Variants in CWC27 observed in about 807,000 individuals in gnomAD.
CWC27 encodes CWC27 spliceosome associated cyclophilin.
In CWC27, 47 loss-of-function variants were observed where a neutral mutation model predicts 63.6. The observed-to-expected ratio is 0.74, with a 90% CI of 0.58 to 0.94. The LOEUF is 0.94. Among genes scored for constraint, CWC27 ranks in the 40% least tolerant of loss-of-function variants. CWC27 has a pLI of 0.00. For synonymous variants in CWC27, 175 were observed against 179.8 expected, an observed-to-expected ratio of 0.97 and a Z score of 0.22; for missense variants, 495 against 554.3, an observed-to-expected ratio of 0.89 and a Z score of 1.07.
intron 10 of CWC27, among the ~76,000 whole-genome samples, chr5:64,878,470 T>TAAAGAAAAAAAAAAAAAAAAAA (rs1746849951): frequency 3.7e-5 from 1 of 26,914 alleles, no homozygotes; most frequent in Non-Finnish European, 7.1e-5. Flanking sequence ...GGTTACAGAT[T>TAAAGAAAAAAAAAAAAAAAAAA]AAAAAAAAAA....
At chr5:64,771,252 AT>A (rs1161783119) in intron 1 of CWC27, among the ~76,000 whole-genome samples, 2 of 152,188 alleles carry the variant, frequency 1.3e-5, no homozygotes, top group African/African-American at 2.4e-5. Flanking sequence ...TTTGAAGCAC[AT>A]GTAATAAGTC....
At chr5:64,939,534 C>G (rs1748427253) in intron 11 of CWC27, among the ~76,000 whole-genome samples, 1 of 152,200 alleles carries the variant, frequency 6.6e-6, no homozygotes, top group Non-Finnish European at 1.5e-5. Context: ...TGGAGCTCTC[C>G]TGTATGAGGT....
chr5:64,984,853 G>T (rs931492915), intron 13 of CWC27, among the ~76,000 whole-genome samples: 2 of 152,102 alleles, frequency 1.3e-5, no homozygotes, highest in African/African-American at 4.8e-5. Context: ...TTATGTCTAA[G>T]AATTCTTTGC....
At chr5:64,820,042 A>G (rs1289654757) in intron 10 of CWC27, among the ~76,000 whole-genome samples, 4 of 152,216 alleles carry the variant, frequency 2.6e-5, no homozygotes, top group Non-Finnish European at 5.9e-5. Context: ...TATATGAGAA[A>G]ATTTTCAGTT....
Position 64,791,929 on chromosome 5 carries a change from T to C in CWC27, c.669+2909T>C, listed in dbSNP as rs558883531. Among the ~76,000 whole-genome samples the C allele has an allele frequency of 3.2e-3, 492 of 152,244 alleles. 5 individuals carry two copies. The highest frequency in any genetic ancestry group is 1.9e-3 in the South Asian group (9 of 4,826). On this transcript the variant is annotated intron_variant, in intron 7 of 13. Coordinates refer to ENST00000381070, the MANE Select transcript of CWC27 (RefSeq NM_005869.4). ...TGTATCTCAAATCTGTTTTTTCCTTTTAATTTATTGTTGCTACTACCCTTG... is the reference window on the plus strand; with the variant it reads ...TGTATCTCAAATCTGTTTTTTCCTTCTAATTTATTGTTGCTACTACCCTTG...
intron 13 of CWC27, among the ~76,000 whole-genome samples, chr5:64,999,743 G>A (rs555479114): frequency 6.6e-6 from 1 of 152,108 alleles, no homozygotes; most frequent in East Asian, 1.9e-4. Flanking sequence ...ATCCACTGAT[G>A]GACACTTAAG....
At chr5:64,813,129 GGTGGTTT>G in intron 10 of CWC27, among the ~76,000 whole-genome samples, 1 of 152,086 alleles carries the variant, frequency 6.6e-6, no homozygotes, top group East Asian at 1.9e-4. Flanking sequence ...ATGTAGACTA[GGTGGTTT>G]GTTTTAATTG....
At chr5:64,787,136 A>G (rs1184678339) in intron 6 of CWC27, among the ~76,000 whole-genome samples, 1 of 152,146 alleles carries the variant, frequency 6.6e-6, no homozygotes, top group African/African-American at 2.4e-5. Flanking sequence ...ACCTCCCACT[A>G]GGGTCCCTCC....
At chr5:64,990,998 A>C (rs541402582) in intron 13 of CWC27, among the ~76,000 whole-genome samples, 32 of 152,300 alleles carry the variant, frequency 2.1e-4, no homozygotes, top group African/African-American at 7.5e-4. Flanking sequence ...ATGTGGAGTA[A>C]AGTTAGACAT....
intron 10 of CWC27, among the ~76,000 whole-genome samples, chr5:64,825,077 G>C (rs1159017208): frequency 6.6e-6 from 1 of 152,110 alleles, no homozygotes; most frequent in East Asian, 1.9e-4. Flanking sequence ...TCTCAAGGTA[G>C]CCTGTGGATA....
At chr5:64,778,489 G>A (rs1402588765) in intron 2 of CWC27, among the ~76,000 whole-genome samples, 1 of 152,106 alleles carries the variant, frequency 6.6e-6, no homozygotes, top group Admixed American at 6.6e-5. Flanking sequence ...ATATACTGGG[G>A]TATATTTTAT....
At chr5:64,811,538 A>G (rs1471476581) in intron 10 of CWC27, among the ~76,000 whole-genome samples, 1 of 152,116 alleles carries the variant, frequency 6.6e-6, no homozygotes, top group African/African-American at 2.4e-5. Flanking sequence ...TAAAATCACA[A>G]TCATTAAAAA....
intron 3 of CWC27, 87 bp from the exon 4 acceptor site, chr5:64,783,749 T>C (rs1743779080): frequency 8.8e-7 from 1 of 1,130,146 alleles, no homozygotes; most frequent in African/African-American, 1.6e-5. Flanking sequence ...TATTAGAAGT[T>C]GTATGGGACC....
At chr5:64,771,666 A>G (rs986746011) in intron 1 of CWC27, among the ~76,000 whole-genome samples, 2 of 145,190 alleles carry the variant, frequency 1.4e-5, no homozygotes, top group Non-Finnish European at 3.0e-5. Context: ...TTGAAAATCA[A>G]AATGGCTTTA....
intron 13 of CWC27, among the ~76,000 whole-genome samples, chr5:65,007,949 A>G (rs990039475): frequency 1.3e-5 from 2 of 152,188 alleles, no homozygotes; most frequent in African/African-American, 4.8e-5. Context: ...TTATAAAGAT[A>G]CAAGTCCTAT....
intron 10 of CWC27, among the ~76,000 whole-genome samples, chr5:64,845,209 C>A (rs1745943552): frequency 6.6e-6 from 1 of 152,186 alleles, no homozygotes. Context: ...CCAGCTGGCC[C>A]TTCCCAGGCT....
intron 11 of CWC27, among the ~76,000 whole-genome samples, chr5:64,910,232 C>G (rs569853862): frequency 2.6e-5 from 4 of 152,192 alleles, no homozygotes; most frequent in Non-Finnish European, 5.9e-5. Context: ...CACTCCAGAC[C>G]CTGTTTGCCT....
chr5:64,777,519 ATAAT>A (rs1225015760), intron 2 of CWC27, among the ~76,000 whole-genome samples: 2 of 152,130 alleles, frequency 1.3e-5, no homozygotes, highest in Admixed American at 6.5e-5. Flanking sequence ...GGCAAGAAAT[ATAAT>A]TAGTCAAAAT....
intron 11 of CWC27, among the ~76,000 whole-genome samples, chr5:64,962,145 C>T (rs556141615): frequency 1.3e-5 from 2 of 152,178 alleles, no homozygotes; most frequent in African/African-American, 4.8e-5. Context: ...TTTGTTTATT[C>T]AGGAGGATTC....
Sources: allele counts gnomAD v4.1 joint callset (sites outside exome capture counted in the v4.1 genomes callset), GRCh38; gene constraint gnomAD v4.1.1; transcripts MANE v1.5; gene names NCBI Gene and HGNC (gene_info 2026-07-23, HGNC 2026-07-21).